BRI3BP: variants seen among roughly 807,000 people sequenced by gnomAD.
BRI3BP encodes BRI3 binding protein, also known as BRI3-binding protein.
A neutral mutation model predicts 15.8 loss-of-function variants in BRI3BP; 7 were observed. The ratio of observed to expected loss-of-function variants is 0.44; its 90% CI spans 0.25 to 0.83. The LOEUF is 0.83. Ranked by LOEUF, BRI3BP falls within the 40% of genes least tolerant of loss-of-function variation. BRI3BP has a pLI of 0.20. For missense variants in BRI3BP, 320 were observed against 339.3 expected, an observed-to-expected ratio of 0.94 and a Z score of 0.45; for synonymous variants, 192 against 163.5, an observed-to-expected ratio of 1.17 and a Z score of -1.33.
rs908067978 is a variant in BRI3BP, at chr12:124,998,055, C to T, written c.213+4052C>T. 4.6e-5 allele frequency among the ~76,000 whole-genome samples: 7 copies of T among 151,100 alleles called. No individual in the cohort carries two copies. The South Asian group carries it at 6.3e-4, about 14-fold the overall frequency. On this transcript the variant is annotated intron_variant, in intron 1 of 2. Transcript: ENST00000341446. ...AGGAGAATCGCTTGAACCCGGGAGG[C>T]GGCCGTTGCAGTGAGCCAAGATTGC... is the stretch of plus-strand genomic sequence containing the variant.
In BRI3BP at chr12:124,994,018, CG is replaced by C; in HGVS notation, c.213+16del. 7.6e-7 allele frequency: 1 copy of C among 1,315,848 alleles called. No homozygotes were observed. The highest frequency in any genetic ancestry group is 1.8e-5 in the South Asian group (1 of 54,262). 81.5% of individuals were successfully genotyped at this position (1,315,848 alleles called of 1,614,324 possible). Reference sequence around the variant, plus strand: ...CCGCTCAGAAGGTGGGCGCCGGGCCCGCGCCCGCGGTCACCTTGCCCCGGTC... The same window carrying C: ...CCGCTCAGAAGGTGGGCGCCGGGCCCCGCCCGCGGTCACCTTGCCCCGGTC... On this transcript the variant is annotated intron_variant, in intron 1 of 2. Transcript: ENST00000341446.
At chr12:124,999,764 C>T (rs370501799) in intron 1 of BRI3BP, among the ~76,000 whole-genome samples, 1 of 148,418 alleles carries the variant, frequency 6.7e-6, no homozygotes, top group African/African-American at 2.5e-5. Flanking sequence ...ACTACAGGCG[C>T]CTGCCACCAT....
At chr12:125,050,498 G>T in the BRI3BP span, among the ~76,000 whole-genome samples, 1 of 152,180 alleles carries the variant, frequency 6.6e-6, no homozygotes, top group Non-Finnish European at 1.5e-5. Context: ...GCACAATATC[G>T]ACTTACAGTA....
At chr12:125,024,526 A>G (rs1472786913) in intron 2 of BRI3BP, among the ~76,000 whole-genome samples, 1 of 152,072 alleles carries the variant, frequency 6.6e-6, no homozygotes, top group African/African-American at 2.4e-5. Flanking sequence ...CTGGCTGGGC[A>G]TGGTGGCTCA....
downstream of BRI3BP, among the ~76,000 whole-genome samples, chr12:125,032,834 C>CGAG (rs899274583): frequency 6.6e-6 from 1 of 152,062 alleles, no homozygotes; most frequent in Non-Finnish European, 1.5e-5. Context: ...CACCATAGGC[C>CGAG]GAGGAGGAGG....
the BRI3BP span, among the ~76,000 whole-genome samples, chr12:125,037,198 T>G: frequency 6.6e-6 from 1 of 152,180 alleles, no homozygotes; most frequent in African/African-American, 2.4e-5. Flanking sequence ...TAGCTGGGAT[T>G]ACAGGCACGT....
chr12:124,996,688 C>T (rs1478195101), intron 1 of BRI3BP, among the ~76,000 whole-genome samples: 1 of 151,576 alleles, frequency 6.6e-6, no homozygotes, highest in Non-Finnish European at 1.5e-5. Flanking sequence ...TTCAGCATGC[C>T]TGGGTTTACG....
intron 1 of BRI3BP, among the ~76,000 whole-genome samples, chr12:125,000,228 G>A (rs1027154612): frequency 2.0e-5 from 3 of 150,000 alleles, no homozygotes; most frequent in Admixed American, 6.7e-5. Flanking sequence ...TAGACTGTGC[G>A]TATTTAAAGT....
chr12:125,017,335 T>A (rs1277558345), intron 2 of BRI3BP, among the ~76,000 whole-genome samples: 5 of 151,264 alleles, frequency 3.3e-5, no homozygotes, highest in Admixed American at 6.6e-5. Context: ...GTTTTTTTTT[T>A]ATAGAGATGG....
intron 2 of BRI3BP, among the ~76,000 whole-genome samples, chr12:125,013,739 T>C (rs2135994402): frequency 6.6e-6 from 1 of 152,276 alleles, no homozygotes; most frequent in Middle Eastern, 3.4e-3. Context: ...CCTGGTTTTG[T>C]GGGCTAGGGG....
the BRI3BP span, among the ~76,000 whole-genome samples, chr12:125,045,356 T>C: frequency 7.2e-3 from 1,098 of 152,270 alleles, 7 homozygotes; most frequent in Middle Eastern, 0.027. Flanking sequence ...TCTTTTTTTT[T>C]GGACGGAGTC....
the BRI3BP span, among the ~76,000 whole-genome samples, chr12:125,046,961 C>G: frequency 7.2e-5 from 11 of 152,188 alleles, no homozygotes; most frequent in African/African-American, 2.7e-4. Flanking sequence ...ACTTTAAACA[C>G]AGCCTCTGTT....
chr12:125,042,599 A>G, the BRI3BP span, among the ~76,000 whole-genome samples: 1 of 151,960 alleles, frequency 6.6e-6, no homozygotes, highest in Non-Finnish European at 1.5e-5. Context: ...CAGTGGCACA[A>G]TCTTGGCTCA....
the BRI3BP span, among the ~76,000 whole-genome samples, chr12:125,039,537 T>C: frequency 1.3e-5 from 2 of 152,170 alleles, no homozygotes; most frequent in East Asian, 3.9e-4. Context: ...CTAATTCTAC[T>C]CTCATCAACT....
At chr12:125,042,902 T>C in the BRI3BP span, among the ~76,000 whole-genome samples, 1 of 152,174 alleles carries the variant, frequency 6.6e-6, no homozygotes, top group East Asian at 1.9e-4. Flanking sequence ...CCTGCCTTGG[T>C]CTCCCAAAGT....
At chr12:125,036,280 G>A in the BRI3BP span, among the ~76,000 whole-genome samples, 1 of 151,514 alleles carries the variant, frequency 6.6e-6, no homozygotes, top group Non-Finnish European at 1.5e-5. Flanking sequence ...TGGTCAGACT[G>A]GTCTCAAACT....
At chr12:125,024,355 T>C (rs10773138) in intron 2 of BRI3BP, among the ~76,000 whole-genome samples, 72,804 of 149,690 alleles carry the variant, frequency 0.49, 19,382 homozygotes, top group African/African-American at 0.71. Flanking sequence ...GTGAGGATTA[T>C]AATTCAAGAT....
chr12:125,005,023 T>C (rs1955129679), intron 1 of BRI3BP, among the ~76,000 whole-genome samples: 1 of 152,084 alleles, frequency 6.6e-6, no homozygotes, highest in Non-Finnish European at 1.5e-5. Context: ...GTTTTGTGTT[T>C]TTAGTAGAGT....
chr12:124,994,403 C>T (rs1469428081), intron 1 of BRI3BP, among the ~76,000 whole-genome samples: 1 of 152,192 alleles, frequency 6.6e-6, no homozygotes, highest in African/African-American at 2.4e-5. Context: ...CCCCAGCTAC[C>T]CCGGGTTTGT....
Sources: gnomAD v4.1 joint callset for allele counts (sites outside exome capture counted in the v4.1 genomes callset) on GRCh38, gnomAD v4.1.1 for gene constraint, MANE v1.5 for transcripts, NCBI Gene and HGNC (gene_info 2026-07-23, HGNC 2026-07-21) for gene names.